The following ST6GALNAC6 variants were observed in gnomAD, a reference collection of about 807,000 sequenced individuals.
The protein encoded by ST6GALNAC6 is ST6 N-acetylgalactosaminide alpha-2,6-sialyltransferase 6.
In ST6GALNAC6, 19 loss-of-function variants were observed where a neutral mutation model predicts 34.3. The observed-to-expected ratio is 0.55, with a 90% CI of 0.39 to 0.81. The LOEUF (loss-of-function observed/expected upper bound fraction) is 0.81, where lower values mean the gene tolerates loss of function less well. Among genes scored for constraint, ST6GALNAC6 ranks in the 40% least tolerant of loss-of-function variants. ST6GALNAC6 has a pLI of 0.00. For synonymous variants in ST6GALNAC6, 185 were observed against 182.1 expected, an observed-to-expected ratio of 1.02 and a Z score of -0.13; for missense variants, 377 against 467.7, an observed-to-expected ratio of 0.81 and a Z score of 1.79.
chr9:127,897,552 T>C, intron 2 of ST6GALNAC6: 2 of 544,228 alleles, frequency 3.7e-6, no homozygotes, highest in Non-Finnish European at 2.3e-6. Flanking sequence ...CTCCAGCGGC[T>C]GCCCCTCACT....
intron 5 of ST6GALNAC6, among the ~76,000 whole-genome samples, chr9:127,887,827 C>T (rs983806077): frequency 6.6e-6 from 1 of 152,204 alleles, no homozygotes; most frequent in Non-Finnish European, 1.5e-5. Flanking sequence ...AGAATGGGAA[C>T]AGGGCATGCT....
At position 127,886,385 on chromosome 9, in the gene ST6GALNAC6, A is replaced by G; in HGVS notation, c.*214T>C. Reference sequence around the variant, plus strand: ...CGCAGACCCTGACTGCACAAGAAAGACACCCCTGATTAACCGCATAGACTC... The same window carrying G: ...CGCAGACCCTGACTGCACAAGAAAGGCACCCCTGATTAACCGCATAGACTC... On this transcript the variant is annotated 3_prime_UTR_variant, in exon 7 of 7. Coordinates refer to ENST00000373146, the MANE Select transcript of ST6GALNAC6 (RefSeq NM_013443.5). 1 of 1,397,318 alleles carries G rather than the reference A, an allele frequency of 7.2e-7. No homozygotes were observed. Among genetic ancestry groups the G allele is most frequent in the Non-Finnish European group, 9.4e-7 (1 of 1,064,304 alleles). 86.6% of individuals were successfully genotyped at this position (1,397,318 alleles called of 1,614,324 possible).
chr9:127,899,654 A>T, upstream of ST6GALNAC6: 5 of 983,312 alleles, frequency 5.1e-6, no homozygotes, highest in East Asian at 1.1e-4. Context: ...GGCCCGGCCC[A>T]GGCCTGGGAG....
chr9:127,887,794 T>C lies in ST6GALNAC6; in HGVS notation c.705-203A>G, dbSNP rs144766391. ...GCTGTCCAGGCAGAGGTGAGGGGTG[T>C]GGAGGGAGCTCCTTTGAGGGGAAGA... is the stretch of plus-strand genomic sequence containing the variant. On this transcript the variant is annotated intron_variant, in intron 5 of 6. Coordinates refer to ENST00000373146, the MANE Select transcript of ST6GALNAC6 (RefSeq NM_013443.5). 7.0e-3 allele frequency among the ~76,000 whole-genome samples: 1,063 copies of C among 152,254 alleles called. 20 individuals carry two copies. Among genetic ancestry groups the C allele is most frequent in the Admixed American group, 0.019 (288 of 15,302 alleles).
At chr9:127,903,244 G>T (rs1047956052), upstream of ST6GALNAC6, 1 of 151,370 alleles carries the variant, frequency 6.6e-6, no homozygotes, top group Non-Finnish European at 1.5e-5. Flanking sequence ...TGATCCGCCC[G>T]CCTCGGCCTC....
chr9:127,898,275 C>T (rs531478159), intron 1 of ST6GALNAC6, among the ~76,000 whole-genome samples: 13 of 152,280 alleles, frequency 8.5e-5, no homozygotes, highest in African/African-American at 2.9e-4. Flanking sequence ...CGCCTGTTGT[C>T]CCAGCTACTC....
upstream of ST6GALNAC6, among the ~76,000 whole-genome samples, chr9:127,901,479 C>T (rs1181463249): frequency 6.6e-5 from 10 of 152,012 alleles, no homozygotes; most frequent in African/African-American, 1.7e-4. Flanking sequence ...ACTTGGAACA[C>T]GCTACTTAAT....
rs972769372 is a variant in ST6GALNAC6 at position 127,898,036 on chromosome 9, G to A, written c.-29-26C>T. On this transcript the variant is annotated intron_variant, in intron 1 of 6. Transcript: ENST00000373146. ...CTGTGAAATGGGAACAATAAGAGTC[G>A]GTAACTCAAGGGGTTGTTGGAAGGA... 8.2e-6 allele frequency: 9 copies of A among 1,091,232 alleles called. No individual in the cohort carries two copies. The African/African-American group carries it at 1.1e-4, about 13-fold the overall frequency. 67.6% of individuals were successfully genotyped at this position (1,091,232 alleles called of 1,614,324 possible).
In ST6GALNAC6 at chr9:127,896,351, G is replaced by A. The variant is rs1442800577; in HGVS notation, c.27-19C>T. The A allele has an allele frequency of 5.0e-6, 8 of 1,598,588 alleles. No individual in the cohort carries two copies. The highest frequency in any genetic ancestry group is 1.7e-6 in the Non-Finnish European group (2 of 1,171,762). On this transcript the variant is annotated intron_variant, in intron 2 of 6. Transcript: ENST00000373146. ...TTCACACCTGCAAGCCACCAGAAAGGGTTATTATGGCTTCGGTCCTTTGGG... is the reference window on the plus strand; with the variant it reads ...TTCACACCTGCAAGCCACCAGAAAGAGTTATTATGGCTTCGGTCCTTTGGG...
chr9:127,896,594 C>T (rs1411399860), intron 2 of ST6GALNAC6, among the ~76,000 whole-genome samples: 1 of 152,190 alleles, frequency 6.6e-6, no homozygotes, highest in Non-Finnish European at 1.5e-5. Flanking sequence ...CTGGCAGGGC[C>T]AAAGCTGGCT....
chr9:127,897,148 C>T, intron 2 of ST6GALNAC6: 2 of 983,682 alleles, frequency 2.0e-6, no homozygotes, highest in Non-Finnish European at 2.4e-6. Context: ...GCTCCGCACA[C>T]CCCAATCTCT....
At position 127,890,712 on chromosome 9, in the gene ST6GALNAC6, A is replaced by C; in HGVS notation, c.629T>G (p.Met210Arg). ...GCCGGGAGAGACGGCATATGCTTCC[A>C]TGTTGGGGAACACCAGGCCCGCTCG... ...IQRAGLVFPN[M>R]EAYAVSPGRM... Residue 210 changes from methionine to arginine, a missense_variant, in exon 5 of 7, where the codon ATG (methionine) becomes AGG (arginine). Met to Arg is a moderately conservative substitution (Grantham distance 91). Transcript: ENST00000373146. This position sits in a 1 kb window ranked among gnomAD's most constrained non-coding sequence, Gnocchi z 4.3. 1 of 1,613,774 alleles carries C rather than the reference A, an allele frequency of 6.2e-7. No homozygotes were observed. The highest frequency in any genetic ancestry group is 8.5e-7 in the Non-Finnish European group (1 of 1,180,008).
intron 5 of ST6GALNAC6, among the ~76,000 whole-genome samples, chr9:127,888,737 C>T (rs1311018178): frequency 2.0e-5 from 3 of 151,790 alleles, no homozygotes; most frequent in Non-Finnish European, 2.9e-5. Context: ...ACTTGGGAGG[C>T]GGAGGTTGCA....
intron 3 of ST6GALNAC6, 134 bp from the exon 4 acceptor site, chr9:127,894,825 G>GTAGT: frequency 1.1e-6 from 1 of 937,330 alleles, no homozygotes; most frequent in Non-Finnish European, 1.6e-6. Context: ...CCTCCAGGAA[G>GTAGT]GCCTCCTTCA....
At position 127,890,517 on chromosome 9, in the gene ST6GALNAC6, G is replaced by C; in HGVS notation, c.704+120C>G. 7.0e-7 allele frequency: 1 copy of C among 1,429,296 alleles called. No homozygotes were observed. The highest frequency in any genetic ancestry group is 9.5e-7 in the Non-Finnish European group (1 of 1,051,882). 88.5% of individuals were successfully genotyped at this position (1,429,296 alleles called of 1,614,324 possible). On this transcript the variant is annotated intron_variant, in intron 5 of 6. Coordinates refer to ENST00000373146, the MANE Select transcript of ST6GALNAC6 (RefSeq NM_013443.5). The surrounding 1 kb of genome is among the most constrained non-coding windows in gnomAD (Gnocchi z 4.3). ...AACTCTCCTAGGAGGCCCAACCAGAGGACGGCGGGACTTGACTACCCCTCA... is the reference window on the plus strand; with the variant it reads ...AACTCTCCTAGGAGGCCCAACCAGACGACGGCGGGACTTGACTACCCCTCA...
chr9:127,906,251 A>G (rs940431016), upstream of ST6GALNAC6, among the ~76,000 whole-genome samples: 2 of 152,100 alleles, frequency 1.3e-5, no homozygotes, highest in African/African-American at 2.4e-5. Context: ...GCAAAAAAAA[A>G]ACAAAAAACA....
intron 6 of ST6GALNAC6, 46 bp from the exon 7 acceptor site, chr9:127,886,834 C>G (rs1424349483): frequency 1.3e-6 from 2 of 1,536,470 alleles, no homozygotes; most frequent in African/African-American, 2.8e-5. Context: ...TGAGCGCTGG[C>G]AGGGTCCTTG....
chr9:127,899,683 CCGCGGGTGGCTCCGCCCACGGGCGG>C (rs544434928), upstream of ST6GALNAC6: 135 of 983,784 alleles, frequency 1.4e-4, 1 homozygote, highest in African/African-American at 2.1e-3. Context: ...AGCCTCGGGG[CCGCGGGTGGCTCCGCCCACGGGCGG>C]CGCGGGCGGG....
In ST6GALNAC6 at chr9:127,890,933, A is replaced by G. The variant is rs745737881; in HGVS notation, c.408T>C (p.Asn136=). The G allele has an allele frequency of 2.5e-6, 4 of 1,614,034 alleles. No homozygotes were observed. The highest frequency in any genetic ancestry group is 1.7e-6 in the Non-Finnish European group (2 of 1,180,026). ...CTGAGTAGCCAGTGGTGGGTGCATC[A>G]TTCATGCGGATTGTACACTCAGCCC... The part of the protein sequence containing the change: ...IERAECTIRM[N]DAPTTGYSAD... Residue 136 remains asparagine (N), a synonymous_variant, in exon 5 of 7, where the codon AAT becomes AAC. Transcript: ENST00000373146. This position sits in a 1 kb window ranked among gnomAD's most constrained non-coding sequence, Gnocchi z 4.3.
Sources: allele counts gnomAD v4.1 joint callset (sites outside exome capture counted in the v4.1 genomes callset), GRCh38; gene constraint gnomAD v4.1.1; non-coding constraint Gnocchi (gnomAD v3.1); transcripts MANE v1.5; gene names NCBI Gene and HGNC (gene_info 2026-07-23, HGNC 2026-07-21).